Variants in RBM44 observed in about 807,000 individuals in gnomAD.
RBM44 encodes RNA-binding protein 44.
A neutral mutation model predicts 105.1 loss-of-function variants in RBM44; 66 were observed. The observed-to-expected ratio is 0.63, with a 90% CI of 0.52 to 0.77. RBM44 has a LOEUF of 0.77. Among genes scored for constraint, RBM44 ranks in the 30% least tolerant of loss-of-function variants. The pLI is 0.00. For missense variants in RBM44, 1,122 were observed against 1,207.8 expected, an observed-to-expected ratio of 0.93 and a Z score of 1.05; for synonymous variants, 365 against 417.6, an observed-to-expected ratio of 0.87 and a Z score of 1.54.
chr2:237,802,562 T>C (rs1331862619), intron 1 of RBM44, among the ~76,000 whole-genome samples: 1 of 152,218 alleles, frequency 6.6e-6, no homozygotes. Flanking sequence ...CTGTTGAATC[T>C]ATATTTTTAA....
At chr2:237,822,355 G>A (rs2150982141) in intron 8 of RBM44, among the ~76,000 whole-genome samples, 1 of 152,130 alleles carries the variant, frequency 6.6e-6, no homozygotes, top group South Asian at 2.1e-4. Context: ...TGACAACCAA[G>A]AAGGAAGATT....
chr2:237,821,037 A>G, intron 5 of RBM44, 34 bp from the exon 6 acceptor site: 1 of 1,507,988 alleles, frequency 6.6e-7, no homozygotes, highest in Non-Finnish European at 9.0e-7. Flanking sequence ...TTAGGCCTAA[A>G]TAATTTAGTT....
chr2:237,803,017 A>G lies in RBM44; in HGVS notation c.-19+4156A>G, dbSNP rs1225246195. 6.6e-6 allele frequency among the ~76,000 whole-genome samples: 1 copy of G among 152,218 alleles called. No homozygotes were observed. On this transcript the variant is annotated intron_variant, in intron 1 of 15. Coordinates refer to ENST00000316997, the MANE Select transcript of RBM44 (RefSeq NM_001080504.3). This position sits in a 1 kb window ranked among gnomAD's most constrained non-coding sequence, Gnocchi z 4.2. ...TGCACTGGCTCATGCCTGTAATCCC[A>G]GCACTTTGGGAGGCCGAGGCGGGTG... is the stretch of plus-strand genomic sequence containing the variant.
chr2:237,813,968 T>TCAGA (rs2061685849), intron 2 of RBM44, among the ~76,000 whole-genome samples: 2 of 152,186 alleles, frequency 1.3e-5, no homozygotes, highest in African/African-American at 4.8e-5. Context: ...TTCAGGGTGA[T>TCAGA]AATCAGAAAG....
chr2:237,829,894 A>T (rs986079334), intron 13 of RBM44, among the ~76,000 whole-genome samples: 1 of 152,168 alleles, frequency 6.6e-6, no homozygotes, highest in Admixed American at 6.5e-5. Flanking sequence ...TCTCTTATGG[A>T]GGTAAACACC....
intron 7 of RBM44, 97 bp from the exon 8 acceptor site, chr2:237,821,646 C>A (rs1204051269): frequency 2.5e-5 from 22 of 870,884 alleles, no homozygotes; most frequent in Non-Finnish European, 1.6e-5. Context: ...CAAGTCCTCT[C>A]TTTTAGCTAC....
intron 1 of RBM44, among the ~76,000 whole-genome samples, chr2:237,801,008 T>C (rs1336333836): frequency 2.0e-5 from 3 of 152,108 alleles, no homozygotes; most frequent in African/African-American, 4.8e-5. Flanking sequence ...TGTGAGCTAC[T>C]GCGCCCAGCT....
In RBM44 at chr2:237,817,156, A is replaced by G; in HGVS notation, c.237A>G (p.Pro79=). 1.2e-6 allele frequency: 2 copies of G among 1,607,098 alleles called. No homozygotes were observed. The highest frequency in any genetic ancestry group is 1.7e-6 in the Non-Finnish European group (2 of 1,177,472). Residue 79 remains proline (P), a synonymous_variant, in exon 3 of 16, where the codon CCA becomes CCG. Transcript: ENST00000316997. ...TTGACAAAATGGATTTATTAGAGCC[A>G]TTTTTTTCAGTGAGTCAAGATACTA... is the stretch of plus-strand genomic sequence containing the variant. The part of the protein sequence containing the change: ...SNIDKMDLLE[P]FFSVSQDTNT...
chr2:237,806,642 C>T (rs1212012288), intron 1 of RBM44, among the ~76,000 whole-genome samples: 4 of 152,058 alleles, frequency 2.6e-5, no homozygotes, highest in Non-Finnish European at 5.9e-5. Context: ...AAGGCTAAGG[C>T]GTTAGAAATT....
intron 13 of RBM44, among the ~76,000 whole-genome samples, chr2:237,831,058 C>T (rs2061897996): frequency 6.6e-6 from 1 of 151,762 alleles, no homozygotes; most frequent in South Asian, 2.1e-4. Flanking sequence ...TAACTGTGTC[C>T]TTTATCCAGT....
Position 237,813,695 on chromosome 2 carries a change from T to G in RBM44, c.73+13T>G, listed in dbSNP as rs775367556. 3.9e-6 allele frequency: 6 copies of G among 1,536,910 alleles called. No individual in the cohort carries two copies. In the East Asian group the frequency reaches 6.7e-5, roughly 17 times the overall value. ...AACCTCCAAAAAGGTAAGGGTCTAG[T>G]CCACTTACCCTTATTCTTGGTGGGG... is the stretch of plus-strand genomic sequence containing the variant. On this transcript the variant is annotated intron_variant, in intron 2 of 15. Coordinates refer to ENST00000316997, the MANE Select transcript of RBM44 (RefSeq NM_001080504.3).
At position 237,827,253 on chromosome 2, in the gene RBM44, TGAA is replaced by T; in HGVS notation, c.2457_2459del (p.Lys819del). ...TTACATGTTTTTCTCTAAGCAGAAA[TGAA>T]GAATGTTGAACCCTCACAAAGAGAT... On this transcript the variant is annotated inframe_deletion, in exon 11 of 16. Coordinates refer to ENST00000316997, the MANE Select transcript of RBM44 (RefSeq NM_001080504.3). 1 of 1,555,440 alleles carries T rather than the reference TGAA, an allele frequency of 6.4e-7. No homozygotes were observed.
intron 15 of RBM44, among the ~76,000 whole-genome samples, chr2:237,837,220 G>A (rs1428567483): frequency 6.6e-6 from 1 of 152,056 alleles, no homozygotes; most frequent in African/African-American, 2.4e-5. Context: ...AAATTAATGG[G>A]GTTTTTTTTA....
At chr2:237,840,293 A>C (rs572358725) in intron 15 of RBM44, among the ~76,000 whole-genome samples, 2 of 152,078 alleles carry the variant, frequency 1.3e-5, no homozygotes, top group Non-Finnish European at 2.9e-5. Flanking sequence ...TCTTCAACGA[A>C]GTCAACAAAA....
In RBM44 at chr2:237,817,272, A is replaced by G. The variant is rs2061728926; in HGVS notation, c.353A>G (p.Glu118Gly). Residue 118 changes from glutamate (E) to glycine (G), a missense_variant, in exon 3 of 16, where the codon GAG becomes GGG. Glu to Gly is a moderately conservative substitution (Grantham distance 98, BLOSUM62 -2). Transcript: ENST00000316997. ...LNKTYSIPYS[E>G]SKLKKESLTP... ...AAAACATATTCTATACCTTATTCAG[A>G]GTCAAAACTAAAGAAGGAAAGTCTT... 6.2e-7 allele frequency: 1 copy of G among 1,607,756 alleles called. No individual in the cohort carries two copies. The highest frequency in any genetic ancestry group is 1.1e-5 in the South Asian group (1 of 90,568).
At chr2:237,814,058 T>C (rs73086768) in intron 2 of RBM44, among the ~76,000 whole-genome samples, 2,117 of 152,214 alleles carry the variant, frequency 0.014, 47 homozygotes, top group African/African-American at 0.048. Flanking sequence ...TCCTGGGTCA[T>C]GGCAGCAAGA....
chr2:237,822,725 T>A (rs1576509444), intron 8 of RBM44, among the ~76,000 whole-genome samples: 1 of 151,502 alleles, frequency 6.6e-6, no homozygotes, highest in Non-Finnish European at 1.5e-5. Context: ...CAATAAATTA[T>A]TTTTTAAAGA....
chr2:237,830,327 A>AT (rs1379651365), intron 13 of RBM44, among the ~76,000 whole-genome samples: 1 of 151,962 alleles, frequency 6.6e-6, no homozygotes, highest in African/African-American at 2.4e-5. Flanking sequence ...TTGAATTTTG[A>AT]TTTTTTAATA....
intron 13 of RBM44, among the ~76,000 whole-genome samples, chr2:237,832,269 C>T (rs1042345099): frequency 5.3e-5 from 8 of 151,986 alleles, no homozygotes; most frequent in African/African-American, 1.9e-4. Flanking sequence ...ATCCTCCCAC[C>T]TCAGCCTCCC....
Sources: gnomAD v4.1 joint callset for allele counts (sites outside exome capture counted in the v4.1 genomes callset) on GRCh38, gnomAD v4.1.1 for gene constraint, Gnocchi (gnomAD v3.1) non-coding constraint, MANE v1.5 for transcripts, NCBI Gene and HGNC (gene_info 2026-07-23, HGNC 2026-07-21) for gene names.